The following ADGRV1 variants were observed in gnomAD, a reference collection of about 807,000 sequenced individuals.
ADGRV1 encodes the protein adhesion G protein-coupled receptor V1.
In ADGRV1, 359 loss-of-function variants were observed where a neutral mutation model predicts 596.2. The ratio of observed to expected loss-of-function variants is 0.60; its 90% CI spans 0.55 to 0.66. The LOEUF (loss-of-function observed/expected upper bound fraction) is 0.66. ADGRV1 is among the 30% of genes least tolerant of loss of function. The pLI, the probability that ADGRV1 is intolerant of heterozygous loss-of-function variation, is 0.00. For missense variants in ADGRV1, 7,274 were observed against 7,575.6 expected (o/e 0.96, Z 1.48); for synonymous variants, 2,681 against 2,679.2 (o/e 1.00, Z -0.02).
intron 50 of ADGRV1, among the ~76,000 whole-genome samples, chr5:90,730,042 AT>A (rs1752348270): frequency 6.6e-6 from 1 of 151,954 alleles, no homozygotes; most frequent in Admixed American, 6.6e-5. Context: ...ATTTTTTTGT[AT>A]TTTTAGTAGA....
chr5:90,932,902 G>T (rs1325747455), intron 83 of ADGRV1, among the ~76,000 whole-genome samples: 1 of 152,074 alleles, frequency 6.6e-6, no homozygotes, highest in Admixed American at 6.6e-5. Flanking sequence ...TTGCTCAGTG[G>T]CATGTGAAAG....
intron 16 of ADGRV1, among the ~76,000 whole-genome samples, chr5:90,646,868 G>T (rs1229928892): frequency 1.3e-5 from 2 of 151,328 alleles, no homozygotes; most frequent in African/African-American, 4.9e-5. Flanking sequence ...CCGCCTTCTG[G>T]ATTCAAGTGA....
chr5:90,654,025 T>A (rs554221907), intron 20 of ADGRV1, 73 bp downstream of exon 20: 37 of 1,442,926 alleles, frequency 2.6e-5, no homozygotes, highest in Non-Finnish European at 3.1e-5. Flanking sequence ...TTTAGATTTT[T>A]AAAAAAGTGC....
At chr5:91,123,920 A>G (rs1208321634) in intron 87 of ADGRV1, among the ~76,000 whole-genome samples, 1 of 152,148 alleles carries the variant, frequency 6.6e-6, no homozygotes, top group African/African-American at 2.4e-5. Context: ...AGATAATTCA[A>G]ATAAACATGA....
intron 26 of ADGRV1, among the ~76,000 whole-genome samples, chr5:90,680,024 C>T (rs1744728731): frequency 6.6e-6 from 1 of 152,118 alleles, no homozygotes; most frequent in African/African-American, 2.4e-5. Flanking sequence ...AAATACATCA[C>T]ACTTATTCTC....
intron 85 of ADGRV1, among the ~76,000 whole-genome samples, chr5:91,062,745 T>A (rs1251930077): frequency 1.3e-5 from 2 of 152,116 alleles, no homozygotes; most frequent in Non-Finnish European, 2.9e-5. Context: ...CAGATCTCTG[T>A]TTTTCTATCC....
intron 78 of ADGRV1, among the ~76,000 whole-genome samples, chr5:90,844,747 T>C (rs1468929273): frequency 1.3e-5 from 2 of 152,166 alleles, no homozygotes; most frequent in Non-Finnish European, 2.9e-5. Context: ...CTGTAAAAGT[T>C]TGATAGACTA....
intron 87 of ADGRV1, among the ~76,000 whole-genome samples, chr5:91,139,013 C>A (rs1794879781): frequency 1.3e-5 from 2 of 152,138 alleles, no homozygotes; most frequent in Admixed American, 1.3e-4. Context: ...TCAAGTGATC[C>A]ACCCCCCTTG....
At chr5:91,070,364 G>A (rs921182324) in intron 85 of ADGRV1, among the ~76,000 whole-genome samples, 1 of 152,150 alleles carries the variant, frequency 6.6e-6, no homozygotes, top group Non-Finnish European at 1.5e-5. Context: ...CAGGCTATGC[G>A]TGATTCCCCC....
At chr5:90,926,867 ATTTC>A (rs1774535136) in intron 83 of ADGRV1, among the ~76,000 whole-genome samples, 2 of 151,834 alleles carry the variant, frequency 1.3e-5, no homozygotes, top group Admixed American at 1.3e-4. Context: ...GAACATCTTT[ATTTC>A]TTCCTTCATT....
chr5:90,800,617 A>G (rs1761255343), intron 70 of ADGRV1, among the ~76,000 whole-genome samples: 1 of 152,220 alleles, frequency 6.6e-6, no homozygotes, highest in South Asian at 2.1e-4. Context: ...GTAAATACAC[A>G]TGCACACATA....
intron 85 of ADGRV1, among the ~76,000 whole-genome samples, chr5:90,998,561 GTTC>G (rs1164549722): frequency 6.6e-6 from 1 of 151,744 alleles, no homozygotes; most frequent in Non-Finnish European, 1.5e-5. Flanking sequence ...ACTATTTCTA[GTTC>G]TTCTTTTTAT....
intron 1 of ADGRV1, among the ~76,000 whole-genome samples, chr5:90,585,613 G>A (rs1169184595): frequency 6.6e-6 from 1 of 152,230 alleles, no homozygotes; most frequent in East Asian, 1.9e-4. Context: ...CCAGAGGGCA[G>A]CCTGTCAGGG....
At chr5:90,779,816 A>T (rs1377341382) in intron 64 of ADGRV1, 1 of 152,178 alleles carries the variant, frequency 6.6e-6, no homozygotes, top group Non-Finnish European at 1.5e-5. Context: ...TAATGCCTGC[A>T]TTTAGAAGAA....
chr5:90,775,256 TGTG>T (rs1758106313), intron 60 of ADGRV1, among the ~76,000 whole-genome samples: 1 of 152,194 alleles, frequency 6.6e-6, no homozygotes, highest in Non-Finnish European at 1.5e-5. Context: ...TATCTATCAC[TGTG>T]TATACTTAGG....
chr5:90,871,517 A>G (rs1361031441), intron 83 of ADGRV1, among the ~76,000 whole-genome samples: 2 of 152,244 alleles, frequency 1.3e-5, no homozygotes, highest in Non-Finnish European at 2.9e-5. Flanking sequence ...GTAGCAAAGC[A>G]ACAGAAAGAG....
chr5:90,711,558 T>A (rs1018634552), intron 41 of ADGRV1, among the ~76,000 whole-genome samples: 2 of 152,220 alleles, frequency 1.3e-5, no homozygotes, highest in Non-Finnish European at 2.9e-5. Flanking sequence ...ATGCATTAAC[T>A]ATTTCATTAC....
intron 21 of ADGRV1, among the ~76,000 whole-genome samples, chr5:90,670,039 T>C (rs1442939032): frequency 6.6e-6 from 1 of 152,242 alleles, no homozygotes; most frequent in Non-Finnish European, 1.5e-5. Context: ...TTAAATATCA[T>C]TTATATATTG....
intron 1 of ADGRV1, among the ~76,000 whole-genome samples, chr5:90,564,280 T>C (rs6452894): frequency 0.063 from 9,591 of 152,252 alleles, 884 homozygotes; most frequent in African/African-American, 0.21. Context: ...AGGAATGAAA[T>C]GAAGAGAGCT....
Sources: gnomAD v4.1 joint callset for allele counts (sites outside exome capture counted in the v4.1 genomes callset) on GRCh38, gnomAD v4.1.1 for gene constraint, MANE v1.5 for transcripts, NCBI Gene and HGNC (gene_info 2026-07-23, HGNC 2026-07-21) for gene names.